The following FRMD4A variants were observed in gnomAD, a reference collection of about 807,000 sequenced individuals.
FRMD4A encodes FERM domain-containing protein 4A.
Under a neutral mutation model 129.1 loss-of-function variants are expected in FRMD4A, and 29 were observed. The ratio of observed to expected loss-of-function variants is 0.22; its 90% confidence interval spans 0.17 to 0.31. FRMD4A has a LOEUF of 0.31. Among genes scored for constraint, FRMD4A ranks in the 10% least tolerant of loss-of-function variants. The pLI is 1.00. For missense variants in FRMD4A, 1,272 were observed against 1,375.8 expected, an observed-to-expected ratio of 0.92 and a Z score of 1.19; for synonymous variants, 634 against 571.6, an observed-to-expected ratio of 1.11 and a Z score of -1.56.
chr10:14,029,799 C>A (rs573387677), intron 2 of FRMD4A, among the ~76,000 whole-genome samples: 1 of 102,338 alleles, frequency 9.8e-6, no homozygotes, highest in Non-Finnish European at 1.9e-5. Flanking sequence ...TCCCACAGAT[C>A]CAGTTTACAT....
chr10:13,740,129 A>G (rs1481996694), intron 11 of FRMD4A, 65 bp downstream of exon 11: 5 of 898,176 alleles, frequency 5.6e-6, no homozygotes, highest in South Asian at 4.1e-5. Context: ...AAAACATATA[A>G]CGAGATGTTT....
chr10:14,259,933 ATGT>A (rs1844741644), intron 2 of FRMD4A, among the ~76,000 whole-genome samples: 1 of 151,620 alleles, frequency 6.6e-6, no homozygotes, highest in Admixed American at 6.6e-5. Flanking sequence ...GTTGTCAGGG[ATGT>A]TAAGTCTTTG....
At chr10:14,156,081 T>C (rs1237144672) in intron 2 of FRMD4A, among the ~76,000 whole-genome samples, 5 of 152,186 alleles carry the variant, frequency 3.3e-5, no homozygotes, top group African/African-American at 1.2e-4. Context: ...GATGTATATA[T>C]AAATGGTCAT....
Position 13,683,866 on chromosome 10 carries a change from T to C in FRMD4A, c.1118-8822A>G, listed in dbSNP as rs376954422. 3.3e-5 allele frequency among the ~76,000 whole-genome samples: 5 copies of C among 152,096 alleles called. No homozygotes were observed. In the South Asian group the frequency reaches 1.0e-3, roughly 32 times the overall value. ...TAGCTGGGATTATAGTGCGCCACCA[T>C]GCCTGACTAATTTTTCTATTTTTAG... is the stretch of plus-strand genomic sequence containing the variant. On this transcript the variant is annotated intron_variant, in intron 15 of 24. Transcript: ENST00000357447.
intron 3 of FRMD4A, among the ~76,000 whole-genome samples, chr10:13,848,478 G>T (rs12414799): frequency 6.6e-6 from 1 of 152,120 alleles, no homozygotes; most frequent in East Asian, 1.9e-4. Flanking sequence ...AGGAAGAAGG[G>T]GGAGGGGGGC....
intron 2 of FRMD4A, among the ~76,000 whole-genome samples, chr10:14,195,321 T>TC (rs1305388718): frequency 1.3e-5 from 2 of 152,138 alleles, no homozygotes; most frequent in Non-Finnish European, 2.9e-5. Flanking sequence ...TTTTAGGAAT[T>TC]CGGTGGAATT....
rs556560384 is a variant in FRMD4A at position 13,667,454 on chromosome 10, G to A, written c.1375-1129C>T. ...GTACGGATGGATGAGATTCTCCTCAGAGTTTTGGGACCGGGAAGAATGAAG... is the reference window on the plus strand; with the variant it reads ...GTACGGATGGATGAGATTCTCCTCAAAGTTTTGGGACCGGGAAGAATGAAG... On this transcript the variant is annotated intron_variant, in intron 17 of 24. Transcript: ENST00000357447. 4.0e-5 allele frequency: 6 copies of A among 151,044 alleles called. No homozygotes were observed. The East Asian group carries it at 1.2e-3, about 30-fold the overall frequency. 9.4% of individuals were successfully genotyped at this position (151,044 alleles called of 1,614,324 possible). A position where few individuals can be genotyped will look rare whatever the true frequency, so the allele number is the denominator to read the frequency against.
chr10:14,127,356 TC>T (rs1367460888), intron 2 of FRMD4A, among the ~76,000 whole-genome samples: 1 of 152,234 alleles, frequency 6.6e-6, no homozygotes, highest in African/African-American at 2.4e-5. Flanking sequence ...TCGTACATTT[TC>T]TTTTGTGAAA....
At chr10:13,812,690 G>A (rs1378593463) in intron 3 of FRMD4A, among the ~76,000 whole-genome samples, 1 of 152,136 alleles carries the variant, frequency 6.6e-6, no homozygotes, top group African/African-American at 2.4e-5. Flanking sequence ...GCAGCCTCAG[G>A]GCCTAGATGA....
chr10:14,257,597 G>A (rs1344178244), intron 2 of FRMD4A, among the ~76,000 whole-genome samples: 1 of 152,188 alleles, frequency 6.6e-6, no homozygotes, highest in African/African-American at 2.4e-5. Flanking sequence ...AATTAGTTAA[G>A]ATGAGGTCAT....
intron 2 of FRMD4A, among the ~76,000 whole-genome samples, chr10:13,886,230 G>GT (rs5783361): frequency 0.97 from 147,268 of 151,502 alleles, 71,709 homozygotes; most frequent in East Asian, 1. Flanking sequence ...TGCCGTTTTT[G>GT]TTTTTTTTCC....
At chr10:13,792,577 C>T (rs577319985) in intron 5 of FRMD4A, among the ~76,000 whole-genome samples, 1 of 152,286 alleles carries the variant, frequency 6.6e-6, no homozygotes, top group South Asian at 2.1e-4. Flanking sequence ...GCCCCCATCT[C>T]CTTCTTTTTA....
chr10:14,066,124 G>C (rs1835048935), intron 2 of FRMD4A, among the ~76,000 whole-genome samples: 1 of 150,978 alleles, frequency 6.6e-6, no homozygotes, highest in Non-Finnish European at 1.5e-5. Context: ...AAATATAATA[G>C]CAGCACATAG....
chr10:13,951,930 A>AATAATAATAAT (rs1386531993), intron 2 of FRMD4A, among the ~76,000 whole-genome samples: 1 of 104,264 alleles, frequency 9.6e-6, no homozygotes, highest in Non-Finnish European at 2.5e-5. Flanking sequence ...TAATAATAAT[A>AATAATAATAAT]AACAATCTAA....
At chr10:14,139,970 T>A (rs1839752520) in intron 2 of FRMD4A, among the ~76,000 whole-genome samples, 1 of 152,200 alleles carries the variant, frequency 6.6e-6, no homozygotes, top group African/African-American at 2.4e-5. Flanking sequence ...TTCTTTATAA[T>A]TCACATTAAA....
intron 2 of FRMD4A, among the ~76,000 whole-genome samples, chr10:13,989,321 A>G (rs2095594848): frequency 6.6e-6 from 1 of 152,076 alleles, no homozygotes; most frequent in African/African-American, 2.4e-5. Context: ...CATATTATGG[A>G]TGCTCAGGTG....
At chr10:13,783,790 C>G (rs2092792307) in intron 5 of FRMD4A, among the ~76,000 whole-genome samples, 1 of 152,172 alleles carries the variant, frequency 6.6e-6, no homozygotes. Flanking sequence ...ATGCTAAGTG[C>G]TCTTAACACT....
chr10:13,666,061 TG>T, intron 18 of FRMD4A, 35 bp downstream of exon 18: 3 of 1,311,180 alleles, frequency 2.3e-6, no homozygotes, highest in Non-Finnish European at 3.3e-6. Context: ...GGCCCGGGCG[TG>T]GGAGTGGGGT....
intron 2 of FRMD4A, among the ~76,000 whole-genome samples, chr10:13,979,225 AG>A (rs1383773362): frequency 1.3e-5 from 2 of 152,160 alleles, no homozygotes; most frequent in Admixed American, 6.5e-5. Context: ...TGTTTTGTTT[AG>A]GGGTTACATG....
Sources: allele counts gnomAD v4.1 joint callset (sites outside exome capture counted in the v4.1 genomes callset), GRCh38; gene constraint gnomAD v4.1.1; transcripts MANE v1.5; gene names NCBI Gene and HGNC (gene_info 2026-07-23, HGNC 2026-07-21).